PEAR1: variants seen among roughly 807,000 people sequenced by gnomAD.
PEAR1 encodes the protein multiple EGF-like domains protein 12.
PEAR1 carries 113 observed loss-of-function variants against 131.2 expected under a neutral mutation model. The observed-to-expected ratio is 0.86, with a 90% CI of 0.74 to 1.01. The LOEUF (loss-of-function observed/expected upper bound fraction) is 1.01. Among genes scored for constraint, PEAR1 ranks in the 50% least tolerant of loss-of-function variants. The pLI is 0.00. For synonymous variants in PEAR1, 565 were observed against 523.3 expected, an observed-to-expected ratio of 1.08 and a Z score of -1.09; for missense variants, 1,408 against 1,391.1, an observed-to-expected ratio of 1.01 and a Z score of -0.19.
chr1:156,907,983 C>T lies in PEAR1; in HGVS notation c.834C>T (p.Cys278=). The T allele has an allele frequency of 6.3e-7, 1 of 1,577,068 alleles. No individual in the cohort carries two copies. The highest frequency in any genetic ancestry group is 2.3e-5 in the East Asian group (1 of 42,790). ...HGPNCSQECR[C]HNGGLCDRFT... ...CCAACTGCTCCCAGGAATGTCGCTG[C>T]CACAACGGCGGCCTCTGTGACCGAT... The change falls in exon 8 of 23, where the codon TGC becomes TGT. Residue 278 remains cysteine (C), a synonymous_variant. Transcript: ENST00000292357.
chr1:156,895,224 T>C (rs1649048739), intron 1 of PEAR1, among the ~76,000 whole-genome samples: 1 of 152,198 alleles, frequency 6.6e-6, no homozygotes, highest in Non-Finnish European at 1.5e-5. Context: ...ACATCTCCTA[T>C]CAGACTCTCC....
rs1473384205 is a variant in PEAR1, at chr1:156,905,012, G to A, written c.206+160G>A. 4 of 1,548,060 alleles carry A rather than the reference G, an allele frequency of 2.6e-6. No individual in the cohort carries two copies. In the Admixed American group the frequency reaches 7.9e-5, roughly 30 times the overall value. ...GGTCTGTGTCGGGTACGTGTGTATG[G>A]GATGTATATGTGAATGCGTGTATGT... is the stretch of plus-strand genomic sequence containing the variant. On this transcript the variant is annotated intron_variant, in intron 3 of 22. Transcript: ENST00000292357.
In PEAR1 at chr1:156,903,861, G is replaced by T; in HGVS notation, c.-9-57G>T. On this transcript the variant is annotated intron_variant, in intron 1 of 22. Transcript: ENST00000292357. The stretch of plus-strand genomic sequence containing the variant: ...CCACGGCTCAGATCTCTGCAGACAG[G>T]TCCTCCAGGCTGCTGGCTGCAGCGC... 3.6e-6 allele frequency: 5 copies of T among 1,406,124 alleles called. No individual in the cohort carries two copies. In the East Asian group the frequency reaches 9.1e-5, roughly 26 times the overall value. 87.1% of individuals were successfully genotyped at this position (1,406,124 alleles called of 1,614,324 possible). A position where few individuals can be genotyped will look rare whatever the true frequency, so the allele number is the denominator to read the frequency against.
At chr1:156,911,394 C>T (rs1651190193) in intron 15 of PEAR1, among the ~76,000 whole-genome samples, 1 of 150,984 alleles carries the variant, frequency 6.6e-6, no homozygotes, top group Non-Finnish European at 1.5e-5. Context: ...ATTCTTTTGC[C>T]TCAGCCTCCC....
chr1:156,900,504 G>C (rs1256406587), intron 1 of PEAR1, among the ~76,000 whole-genome samples: 1 of 152,160 alleles, frequency 6.6e-6, no homozygotes, highest in Non-Finnish European at 1.5e-5. Context: ...TGCGGTCCTG[G>C]TCAGGTTTCT....
intron 22 of PEAR1, among the ~76,000 whole-genome samples, chr1:156,914,426 G>A (rs1416154099): frequency 2.6e-5 from 4 of 152,298 alleles, no homozygotes; most frequent in Admixed American, 6.5e-5. Context: ...CTGGGAGGTG[G>A]GCGGGCTGAG....
intron 17 of PEAR1, 27 bp downstream of exon 17, chr1:156,912,649 C>T: frequency 6.2e-7 from 1 of 1,610,030 alleles, no homozygotes; most frequent in Non-Finnish European, 8.5e-7. Flanking sequence ...CTCCTTCCCA[C>T]CCATTGTCCC....
At position 156,912,334 on chromosome 1, in the gene PEAR1, G is replaced by A. The variant is rs768455117; in HGVS notation, c.2039G>A (p.Cys680Tyr). 5.6e-6 allele frequency: 9 copies of A among 1,613,938 alleles called. No homozygotes were observed. The highest frequency in any genetic ancestry group is 3.3e-5 in the South Asian group (3 of 91,084). The change falls in exon 16 of 23, where the codon TGT becomes TAT. Residue 680 changes from cysteine (C) to tyrosine (Y), a missense_variant. Coordinates refer to ENST00000292357, the MANE Select transcript of PEAR1 (RefSeq NM_001080471.3). ...ACCTGCCATCCCCAGGATGGGAGCT[G>A]TATCTGCCCCCTAGGCTGGACTGGA... ...GGTCHPQDGSCICPLGWTGHH... is the reference protein window; with the variant it reads ...GGTCHPQDGSYICPLGWTGHH...
In PEAR1 at chr1:156,893,795, G is replaced by C. The variant is rs1210093558; in HGVS notation, c.-52G>C. On this transcript the variant is annotated 5_prime_UTR_variant, in exon 1 of 23. Coordinates refer to ENST00000292357, the MANE Select transcript of PEAR1 (RefSeq NM_001080471.3). ...AGTCCTCCTCCTCGCAGACCCCGGC[G>C]GTTCCTACCCCAGGCCGCAGGGGAG... is the stretch of plus-strand genomic sequence containing the variant. 6.6e-6 allele frequency: 1 copy of C among 152,226 alleles called. No homozygotes were observed. The highest frequency in any genetic ancestry group is 2.4e-5 in the African/African-American group (1 of 41,414). 9.4% of individuals were successfully genotyped at this position (152,226 alleles called of 1,614,324 possible).
At position 156,907,746 on chromosome 1, in the gene PEAR1, C is replaced by T. The variant is rs1331329796; in HGVS notation, c.765+16C>T. On this transcript the variant is annotated intron_variant, in intron 7 of 22. Coordinates refer to ENST00000292357, the MANE Select transcript of PEAR1 (RefSeq NM_001080471.3). The stretch of plus-strand genomic sequence containing the variant: ...TGGCTGGATGGTATGGAGGGTGGGG[C>T]CTGTGGGCATGGGGTGTGGGTCTGG... 2 of 1,599,498 alleles carry T rather than the reference C, an allele frequency of 1.3e-6. No homozygotes were observed. The highest frequency in any genetic ancestry group is 2.2e-5 in the East Asian group (1 of 44,748).
intron 1 of PEAR1, among the ~76,000 whole-genome samples, chr1:156,896,123 T>C (rs1258594610): frequency 1.3e-5 from 2 of 152,204 alleles, no homozygotes; most frequent in African/African-American, 2.4e-5. Flanking sequence ...TGGAATGACA[T>C]AGACCTGGCC....
At chr1:156,905,299 AG>A in intron 3 of PEAR1, 24 bp from the exon 4 acceptor site, 1 of 1,605,196 alleles carries the variant, frequency 6.2e-7, no homozygotes, top group Non-Finnish European at 8.5e-7. Flanking sequence ...GGGAGGGCTG[AG>A]GGCCGCCTTC....
chr1:156,914,594 G>T (rs960362165), intron 22 of PEAR1, 53 bp from the exon 23 acceptor site: 14 of 1,552,424 alleles, frequency 9.0e-6, no homozygotes, highest in Non-Finnish European at 1.2e-5. Context: ...TGGAGGGAGT[G>T]GGGAGAGTGG....
Position 156,915,063 on chromosome 1 carries a change from G to T in PEAR1, c.*265G>T. The T allele has an allele frequency of 2.3e-6, 1 of 427,250 alleles. No individual in the cohort carries two copies. The highest frequency in any genetic ancestry group is 4.3e-5 in the Admixed American group (1 of 23,268). The allele number at this position is 427,250 out of a possible 1,614,324, so 26.5% of individuals were successfully genotyped here. A position where few individuals can be genotyped will look rare whatever the true frequency, so the allele number is the denominator to read the frequency against. ...GTGTACATAAACTGGTGGGTTGGAA[G>T]TTGCTGGGTAACTCTGATTTCAGAC... On this transcript the variant is annotated 3_prime_UTR_variant, in exon 23 of 23. Coordinates refer to ENST00000292357, the MANE Select transcript of PEAR1 (RefSeq NM_001080471.3).
rs986457039 is a variant in PEAR1, at chr1:156,906,586, G to A, written c.401-51G>A. ...GCTGGGAGACAGAGACGGGGAGGCT[G>A]GGGATGGACTAGACCCCTGGTGACC... On this transcript the variant is annotated intron_variant, in intron 5 of 22. Coordinates refer to ENST00000292357, the MANE Select transcript of PEAR1 (RefSeq NM_001080471.3). The A allele has an allele frequency of 3.1e-6, 5 of 1,606,002 alleles. No homozygotes were observed. In the South Asian group the frequency reaches 3.3e-5, roughly 11 times the overall value.
Position 156,906,640 on chromosome 1 carries a change from G to A in PEAR1, c.404G>A (p.Cys135Tyr). ...GWRGDDCSSECAPGMWGPQCD... is the reference protein window; with the variant it reads ...GWRGDDCSSEYAPGMWGPQCD... Reference sequence around the variant, plus strand: ...TTCCCGCCTCCTTATCCCACAGAGTGTGCCCCAGGAATGTGGGGGCCACAG... The same window carrying A: ...TTCCCGCCTCCTTATCCCACAGAGTATGCCCCAGGAATGTGGGGGCCACAG... Residue 135 changes from cysteine to tyrosine, a missense_variant, in exon 6 of 23, where the codon TGT becomes TAT. Cys to Tyr is a radical substitution (Grantham distance 194). Coordinates refer to ENST00000292357, the MANE Select transcript of PEAR1 (RefSeq NM_001080471.3). 6.2e-7 allele frequency: 1 copy of A among 1,614,166 alleles called. No individual in the cohort carries two copies. The highest frequency in any genetic ancestry group is 8.5e-7 in the Non-Finnish European group (1 of 1,180,024).
In PEAR1 at chr1:156,912,430, A is replaced by C. The variant is rs1406376525; in HGVS notation, c.2080+55A>C. On this transcript the variant is annotated intron_variant, in intron 16 of 22. Transcript: ENST00000292357. ...TGCCTCCAACTTAACCCTTACCCAA[A>C]AAAAGGAGACTAGAGTTTCCTGGCG... 5.6e-6 allele frequency: 9 copies of C among 1,603,184 alleles called. No homozygotes were observed. The South Asian group carries it at 8.9e-5, about 16-fold the overall frequency.
At position 156,915,064 on chromosome 1, in the gene PEAR1, T is replaced by C. The variant is rs1023570117; in HGVS notation, c.*266T>C. The C allele has an allele frequency of 5.9e-5, 25 of 424,640 alleles. No homozygotes were observed. Among genetic ancestry groups the C allele is most frequent in the South Asian group, 2.5e-4 (5 of 20,310 alleles). The allele number at this position is 424,640 out of a possible 1,614,324, so 26.3% of individuals were successfully genotyped here. ...TGTACATAAACTGGTGGGTTGGAAG[T>C]TGCTGGGTAACTCTGATTTCAGACA... is the stretch of plus-strand genomic sequence containing the variant. On this transcript the variant is annotated 3_prime_UTR_variant, in exon 23 of 23. Coordinates refer to ENST00000292357, the MANE Select transcript of PEAR1 (RefSeq NM_001080471.3).
chr1:156,911,037 T>TTTTCTTTCTTTCTTTC lies in PEAR1; in HGVS notation c.1951+335_1951+350dup, dbSNP rs71681254. On this transcript the variant is annotated intron_variant, in intron 15 of 22. Transcript: ENST00000292357. ...CTTGGGACATTTTCTCTTGATTTCT[T>TTTTCTTTCTTTCTTTC]TTTCTTTCTTTCTTTCTTTCTTTCT... Among the ~76,000 whole-genome samples, 208 of 113,328 alleles carry TTTTCTTTCTTTCTTTC rather than the reference T, an allele frequency of 1.8e-3. 2 individuals carry two copies. The highest frequency in any genetic ancestry group is 0.012 in the Middle Eastern group (3 of 254). The allele number at this position is 113,328 out of a possible 152,430, so 74.3% of individuals were successfully genotyped here. A position where few individuals can be genotyped will look rare whatever the true frequency, so the allele number is the denominator to read the frequency against.
Sources: gnomAD v4.1 joint callset for allele counts (sites outside exome capture counted in the v4.1 genomes callset) on GRCh38, gnomAD v4.1.1 for gene constraint, MANE v1.5 for transcripts, NCBI Gene and HGNC (gene_info 2026-07-23, HGNC 2026-07-21) for gene names.